The following FARS2 variants were observed in gnomAD, a reference collection of about 807,000 sequenced individuals.
FARS2 encodes phenylalanyl-tRNA synthetase 2, mitochondrial.
In FARS2, 40 loss-of-function variants were observed where a neutral mutation model predicts 46.4. The observed-to-expected ratio is 0.86, with a 90% CI of 0.67 to 1.12. The LOEUF is 1.12. Ranked by LOEUF, FARS2 falls within the 50% of genes most tolerant of loss-of-function variation. FARS2 has a pLI of 0.00. For synonymous variants in FARS2, 234 were observed against 214.9 expected (o/e 1.09, Z -0.78); for missense variants, 513 against 567.9 (o/e 0.90, Z 0.98).
Position 5,771,539 on chromosome 6 carries a change from C to T in FARS2, c.*110C>T. 8.5e-7 allele frequency: 1 copy of T among 1,175,120 alleles called. No individual in the cohort carries two copies. Among genetic ancestry groups the T allele is most frequent in the Non-Finnish European group, 1.2e-6 (1 of 832,142 alleles). 72.8% of individuals were successfully genotyped at this position (1,175,120 alleles called of 1,614,324 possible). On this transcript the variant is annotated 3_prime_UTR_variant, in exon 7 of 7. Transcript: ENST00000274680. ...ATCAATCATCTTTTGATAAATGGATCAGTTTTAGGACTTTCAGAAAATAAA... is the reference window on the plus strand; with the variant it reads ...ATCAATCATCTTTTGATAAATGGATTAGTTTTAGGACTTTCAGAAAATAAA...
chr6:5,297,148 A>C (rs1767951357), intron 1 of FARS2, among the ~76,000 whole-genome samples: 3 of 152,166 alleles, frequency 2.0e-5, no homozygotes, highest in African/African-American at 7.2e-5. Context: ...GTGAGCTCAC[A>C]TAGCTAACAT....
the FARS2 span, among the ~76,000 whole-genome samples, chr6:5,252,340 T>C: frequency 1.3e-5 from 2 of 152,194 alleles, no homozygotes; most frequent in South Asian, 2.1e-4. Context: ...ACCAATCAAG[T>C]TGCTTCTCCT....
At chr6:5,279,087 A>T (rs1171303625) in intron 1 of FARS2, among the ~76,000 whole-genome samples, 3 of 152,108 alleles carry the variant, frequency 2.0e-5, no homozygotes, top group African/African-American at 7.2e-5. Context: ...TGAGATTAGA[A>T]AATCTTGAGG....
intron 6 of FARS2, among the ~76,000 whole-genome samples, chr6:5,757,393 G>A (rs1250305664): frequency 6.6e-6 from 1 of 151,964 alleles, no homozygotes. Flanking sequence ...CATCATTTCT[G>A]TTTTATTGAG....
At chr6:5,472,425 G>A (rs1765858961) in intron 4 of FARS2, among the ~76,000 whole-genome samples, 1 of 152,172 alleles carries the variant, frequency 6.6e-6, no homozygotes, top group Non-Finnish European at 1.5e-5. Context: ...GAGCAAAGGG[G>A]AATGAGAAGG....
At chr6:5,409,249 G>C (rs1761792413) in intron 3 of FARS2, among the ~76,000 whole-genome samples, 1 of 152,086 alleles carries the variant, frequency 6.6e-6, no homozygotes, top group Admixed American at 6.5e-5. Context: ...AGGAGATCAA[G>C]ACCTCCTGTC....
At chr6:5,639,964 ATCTGGTGGGTT>A (rs1776729209) in intron 6 of FARS2, among the ~76,000 whole-genome samples, 1 of 152,124 alleles carries the variant, frequency 6.6e-6, no homozygotes, top group Non-Finnish European at 1.5e-5. Context: ...TTCTCAGCTC[ATCTGGTGGGTT>A]TCGGAAAAAC....
At chr6:5,305,913 C>T (rs1768668300) in intron 1 of FARS2, among the ~76,000 whole-genome samples, 1 of 152,162 alleles carries the variant, frequency 6.6e-6, no homozygotes, top group Non-Finnish European at 1.5e-5. Context: ...AGAGACAGTG[C>T]CGGATCAAAA....
At chr6:5,376,719 A>G (rs932837744) in intron 2 of FARS2, among the ~76,000 whole-genome samples, 14 of 152,320 alleles carry the variant, frequency 9.2e-5, no homozygotes, top group Admixed American at 4.6e-4. Context: ...ATCTTTTTAA[A>G]TGGATATTCA....
chr6:5,548,046 C>G (rs1460808050), intron 5 of FARS2, among the ~76,000 whole-genome samples: 2 of 152,156 alleles, frequency 1.3e-5, no homozygotes, highest in Non-Finnish European at 2.9e-5. Flanking sequence ...GGGCGAAAGG[C>G]ACTTCTTACA....
chr6:5,496,971 T>C (rs895750082), intron 4 of FARS2, among the ~76,000 whole-genome samples: 4 of 152,084 alleles, frequency 2.6e-5, no homozygotes, highest in Non-Finnish European at 5.9e-5. Flanking sequence ...TGCATGCACC[T>C]CTGCACCCAG....
At chr6:5,686,858 C>T (rs1485714498) in intron 6 of FARS2, among the ~76,000 whole-genome samples, 1 of 152,190 alleles carries the variant, frequency 6.6e-6, no homozygotes, top group African/African-American at 2.4e-5. Flanking sequence ...TCCTCTCCAG[C>T]ACCTGTTGTT....
intron 4 of FARS2, chr6:5,451,923 T>A (rs1325657324): frequency 2.0e-5 from 3 of 152,200 alleles, no homozygotes; most frequent in African/African-American, 7.2e-5. Flanking sequence ...TACAGTGAAG[T>A]GATTTTTTGG....
intron 1 of FARS2, among the ~76,000 whole-genome samples, chr6:5,333,571 C>T (rs989205621): frequency 1.3e-5 from 2 of 152,166 alleles, no homozygotes; most frequent in African/African-American, 4.8e-5. Context: ...ATAGTATGGA[C>T]ATGTCTGAGG....
intron 1 of FARS2, among the ~76,000 whole-genome samples, chr6:5,305,463 C>T (rs1003438258): frequency 2.6e-5 from 4 of 152,100 alleles, no homozygotes; most frequent in Admixed American, 6.5e-5. Flanking sequence ...TGTGAAACCT[C>T]CAGCAGACCT....
At chr6:5,614,405 C>CGTCTTTTTTTTTTTTTTTT (rs1561753252) in intron 6 of FARS2, among the ~76,000 whole-genome samples, 5 of 147,354 alleles carry the variant, frequency 3.4e-5, no homozygotes, top group African/African-American at 1.3e-4. Context: ...CTGTTTCCTT[C>CGTCTTTTTTTTTTTTTTTT]TTTGTCTTTT....
At chr6:5,470,370 A>G (rs1765745298) in intron 4 of FARS2, among the ~76,000 whole-genome samples, 1 of 152,240 alleles carries the variant, frequency 6.6e-6, no homozygotes, top group South Asian at 2.1e-4. Flanking sequence ...ATGCCATTTT[A>G]TATGAGGGAC....
At chr6:5,638,565 A>T (rs1417542761) in intron 6 of FARS2, among the ~76,000 whole-genome samples, 1 of 152,198 alleles carries the variant, frequency 6.6e-6, no homozygotes. Flanking sequence ...ACTCTGTCTC[A>T]AAAAACAAAA....
intron 1 of FARS2, among the ~76,000 whole-genome samples, chr6:5,303,818 C>T (rs1032402563): frequency 2.0e-5 from 3 of 151,924 alleles, no homozygotes; most frequent in Non-Finnish European, 2.9e-5. Context: ...GAAGTGCGCC[C>T]GGGGAATTCT....
Sources: gnomAD v4.1 joint callset for allele counts (sites outside exome capture counted in the v4.1 genomes callset) on GRCh38, gnomAD v4.1.1 for gene constraint, MANE v1.5 for transcripts, NCBI Gene and HGNC (gene_info 2026-07-23, HGNC 2026-07-21) for gene names.